The following AKAIN1 variants were observed in gnomAD, a reference collection of about 807,000 sequenced individuals.
AKAIN1 encodes the protein A-kinase anchor inhibitor 1, also known as A-kinase anchor protein inhibitor 1.
A neutral mutation model predicts 3.7 loss-of-function variants in AKAIN1; 3 were observed. The observed-to-expected ratio is 0.82, with a 90% confidence interval of 0.37 to 2.12. The LOEUF (loss-of-function observed/expected upper bound fraction) is 2.12, where lower values mean the gene tolerates loss of function less well. Ranked by LOEUF, AKAIN1 falls within the 30% of genes most tolerant of loss-of-function variation. AKAIN1 has a pLI of 0.06. For missense variants in AKAIN1, 82 were observed against 82.7 expected (o/e 0.99, Z 0.03); for synonymous variants, 31 against 30.8 (o/e 1.01, Z -0.02).
chr18:5,157,489 A>C (rs1255569389), intron 1 of AKAIN1, among the ~76,000 whole-genome samples: 1 of 152,152 alleles, frequency 6.6e-6, no homozygotes, highest in African/African-American at 2.4e-5. Flanking sequence ...AAGAAAGCTC[A>C]ACCTCTCACC....
chr18:5,161,405 C>G (rs1170740007), intron 1 of AKAIN1, among the ~76,000 whole-genome samples: 4 of 152,064 alleles, frequency 2.6e-5, no homozygotes, highest in African/African-American at 9.7e-5. Context: ...AGAAAACTCA[C>G]CAACTTCTCT....
Position 5,143,625 on chromosome 18 carries a change from T to C in AKAIN1, c.*1937A>G, listed in dbSNP as rs557012307. The stretch of plus-strand genomic sequence containing the variant: ...GAAGTCTCATGGTTCCAAATAATGG[T>C]AAGATCCACGTACAAAATGAGCCAA... On this transcript the variant is annotated 3_prime_UTR_variant, in exon 2 of 2. Transcript: ENST00000434239. Among the ~76,000 whole-genome samples the C allele has an allele frequency of 2.0e-5, 3 of 152,292 alleles. No individual in the cohort carries two copies. In the South Asian group the frequency reaches 6.2e-4, roughly 32 times the overall value.
At position 5,145,328 on chromosome 18, in the gene AKAIN1, T is replaced by C; in HGVS notation, c.*234A>G. On this transcript the variant is annotated 3_prime_UTR_variant, in exon 2 of 2. Transcript: ENST00000434239. ...TGGCCTGCAAAACTACTTTTGCAAT[T>C]ACAGTGTCATATTTGGCCCCACTAT... 1 of 367,188 alleles carries C rather than the reference T, an allele frequency of 2.7e-6. No homozygotes were observed. The highest frequency in any genetic ancestry group is 4.9e-6 in the Non-Finnish European group (1 of 205,492). The allele number at this position is 367,188 out of a possible 1,614,324, so 22.7% of individuals were successfully genotyped here.
intron 1 of AKAIN1, among the ~76,000 whole-genome samples, chr18:5,176,148 T>C (rs769897448): frequency 1.3e-5 from 2 of 151,994 alleles, no homozygotes; most frequent in Non-Finnish European, 2.9e-5. Flanking sequence ...AAATAAAGAC[T>C]GGTAAATAGG....
At chr18:5,187,517 T>C (rs1306218280) in intron 1 of AKAIN1, among the ~76,000 whole-genome samples, 2 of 152,132 alleles carry the variant, frequency 1.3e-5, no homozygotes. Flanking sequence ...GAAGCACATA[T>C]ATGAAACAGA....
intron 1 of AKAIN1, among the ~76,000 whole-genome samples, chr18:5,148,269 G>T (rs2071060472): frequency 6.6e-6 from 1 of 152,196 alleles, no homozygotes; most frequent in Non-Finnish European, 1.5e-5. Context: ...TAGCTCTGCT[G>T]CATGGGTTAT....
intron 1 of AKAIN1, 105 bp downstream of exon 1, chr18:5,196,933 C>T (rs2071351226): frequency 2.8e-6 from 3 of 1,054,536 alleles, no homozygotes; most frequent in Non-Finnish European, 4.3e-6. Context: ...AACTCCGAAA[C>T]GCGCAGATGG....
At chr18:5,172,656 TAAAG>T (rs2071204420) in intron 1 of AKAIN1, among the ~76,000 whole-genome samples, 1 of 138,182 alleles carries the variant, frequency 7.2e-6, no homozygotes, top group Admixed American at 7.5e-5. Context: ...TAGGGAGGAA[TAAAG>T]TTCTATATCA....
chr18:5,176,302 T>C (rs2071226073), intron 1 of AKAIN1, among the ~76,000 whole-genome samples: 1 of 151,986 alleles, frequency 6.6e-6, no homozygotes, highest in Non-Finnish European at 1.5e-5. Flanking sequence ...AGCTGGGTGG[T>C]AGTGGTACAT....
chr18:5,175,635 A>C (rs1357526891), intron 1 of AKAIN1, among the ~76,000 whole-genome samples: 1 of 152,198 alleles, frequency 6.6e-6, no homozygotes, highest in South Asian at 2.1e-4. Context: ...AAAACGGTTC[A>C]GTAAGTTTAT....
upstream of AKAIN1, chr18:5,197,464 G>C (rs1021556365): frequency 9.0e-7 from 1 of 1,111,982 alleles, no homozygotes; most frequent in Non-Finnish European, 1.1e-6. The surrounding 1 kb of genome is among the most constrained non-coding windows in gnomAD (Gnocchi z 6.9). Flanking sequence ...GCTGTGGCTC[G>C]TCGCCGTGGA....
intron 1 of AKAIN1, among the ~76,000 whole-genome samples, chr18:5,180,894 T>G (rs1296173583): frequency 2.6e-5 from 4 of 152,112 alleles, no homozygotes; most frequent in Non-Finnish European, 5.9e-5. Flanking sequence ...CCTGTCTAAA[T>G]GTCAAACAGA....
At chr18:5,166,053 G>T (rs748340825) in intron 1 of AKAIN1, among the ~76,000 whole-genome samples, 1 of 151,942 alleles carries the variant, frequency 6.6e-6, no homozygotes, top group Admixed American at 6.6e-5. Context: ...ATTGTGAAAA[G>T]CCATTATATT....
chr18:5,143,006 CAACAGAGAAGACG>C lies in AKAIN1; in HGVS notation c.*2543_*2555del. 6.6e-6 allele frequency among the ~76,000 whole-genome samples: 1 copy of C among 152,244 alleles called. No homozygotes were observed. Among genetic ancestry groups the C allele is most frequent in the East Asian group, 1.9e-4 (1 of 5,186 alleles). ...TCTTTAGATCCACCCTAGGGGCAGG[CAACAGAGAAGACG>C]AACAGCTGAACACACAGAGATGGGA... On this transcript the variant is annotated 3_prime_UTR_variant, in exon 2 of 2. Transcript: ENST00000434239.
intron 1 of AKAIN1, among the ~76,000 whole-genome samples, chr18:5,146,201 C>T (rs954250244): frequency 1.3e-5 from 2 of 152,104 alleles, no homozygotes; most frequent in East Asian, 3.8e-4. Flanking sequence ...GAGACAGTTT[C>T]TAGAAAAGAA....
chr18:5,151,918 C>G (rs948440625), intron 1 of AKAIN1, among the ~76,000 whole-genome samples: 2 of 152,210 alleles, frequency 1.3e-5, no homozygotes, highest in South Asian at 4.1e-4. Flanking sequence ...ATGACAAACA[C>G]TAGGCTAGGT....
At position 5,153,530 on chromosome 18, in the gene AKAIN1, T is replaced by C. The variant is rs184949252; in HGVS notation, c.17-7775A>G. Among the ~76,000 whole-genome samples, 4 of 152,278 alleles carry C rather than the reference T, an allele frequency of 2.6e-5. No individual in the cohort carries two copies. In the East Asian group the frequency reaches 5.8e-4, roughly 22 times the overall value. On this transcript the variant is annotated intron_variant, in intron 1 of 1. Transcript: ENST00000434239. ...TGGAAAACATGACACTGTTGTATAG[T>C]AGGGAAAGGACAGTATTTTCAGTCT... is the stretch of plus-strand genomic sequence containing the variant.
At chr18:5,150,404 T>A (rs749916624) in intron 1 of AKAIN1, among the ~76,000 whole-genome samples, 13 of 152,250 alleles carry the variant, frequency 8.5e-5, no homozygotes, top group Non-Finnish European at 1.8e-4. Flanking sequence ...TGCCTAGCTT[T>A]AAATGATGCA....
intron 1 of AKAIN1, among the ~76,000 whole-genome samples, chr18:5,164,534 T>A (rs924641320): frequency 3.9e-5 from 6 of 152,068 alleles, no homozygotes; most frequent in Non-Finnish European, 8.8e-5. Flanking sequence ...CTGTTTTTTA[T>A]AGGGCTAAGA....
Sources: allele counts gnomAD v4.1 joint callset (sites outside exome capture counted in the v4.1 genomes callset), GRCh38; gene constraint gnomAD v4.1.1; non-coding constraint Gnocchi (gnomAD v3.1); transcripts MANE v1.5; gene names NCBI Gene and HGNC (gene_info 2026-07-23, HGNC 2026-07-21).